The following SMG1 variants were observed in gnomAD, a reference collection of about 807,000 sequenced individuals.
SMG1 encodes SMG1 nonsense mediated mRNA decay associated PI3K related kinase.
In SMG1, 22 loss-of-function variants were observed where a neutral mutation model predicts 419.9. The observed-to-expected ratio is 0.05, with a 90% CI of 0.04 to 0.07. The LOEUF is 0.07. SMG1 is among the 10% of genes least tolerant of loss of function. SMG1 has a pLI of 1.00. For synonymous variants in SMG1, 1,538 were observed against 1,553.5 expected (o/e 0.99, Z 0.23); for missense variants, 3,185 against 4,342.0 (o/e 0.73, Z 7.49).
rs2141468716 is a variant in SMG1, at chr16:18,859,656, G to A, written c.3853C>T (p.Leu1285Phe). The A allele has an allele frequency of 1.2e-6, 2 of 1,613,448 alleles. 1 individual carries two copies. Among genetic ancestry groups the A allele is most frequent in the Middle Eastern group, 3.3e-4 (2 of 6,052 alleles). ...AATTGAACTTCAATGGATTTCTGAA[G>A]TTCCCTCGGATCCGGACTTAACATG... ...PNMLSPDPRELQKSIEVQLLR... is the reference protein window; with the variant it reads ...PNMLSPDPREFQKSIEVQLLR... The change falls in exon 27 of 63, where the codon CTT becomes TTT. Residue 1285 changes from leucine (L) to phenylalanine (F), a missense_variant. By Grantham distance (22) the Leu-to-Phe change is conservative (BLOSUM62 0). Coordinates refer to ENST00000446231, the MANE Select transcript of SMG1 (RefSeq NM_015092.5).
At chr16:18,827,110 T>C (rs187704360) in intron 55 of SMG1, among the ~76,000 whole-genome samples, 3 of 152,180 alleles carry the variant, frequency 2.0e-5, no homozygotes, top group Admixed American at 2.0e-4. Context: ...ACTATAAGAT[T>C]CAGTTACCTT....
At position 18,838,482 on chromosome 16, in the gene SMG1, CATT is replaced by C. The variant is rs765562373; in HGVS notation, c.7085-19_7085-17del. 6 of 1,613,842 alleles carry C rather than the reference CATT, an allele frequency of 3.7e-6. No individual in the cohort carries two copies. Among genetic ancestry groups the C allele is most frequent in the Non-Finnish European group, 5.1e-6 (6 of 1,179,874 alleles). ...AGGCTTTTACCTTGAAAAGACAAAT[CATT>C]ATATTTTTGCCCTTTCACCAAAAAA... On this transcript the variant is annotated splice_polypyrimidine_tract_variant and intron_variant, in intron 43 of 62. Coordinates refer to ENST00000446231, the MANE Select transcript of SMG1 (RefSeq NM_015092.5).
Position 18,868,991 on chromosome 16 carries a change from TGAC to T in SMG1, c.2833+110_2833+112del, listed in dbSNP as rs543870794. 3.4e-4 allele frequency: 309 copies of T among 915,826 alleles called. No individual in the cohort carries two copies. The African/African-American group carries it at 4.8e-3, about 14-fold the overall frequency. 56.7% of individuals were successfully genotyped at this position (915,826 alleles called of 1,614,324 possible). ...TCTAACAAACATACCTGAAAATTAT[TGAC>T]TTTTTTCAAAAAAATCATATACTCT... On this transcript the variant is annotated intron_variant, in intron 20 of 62. Coordinates refer to ENST00000446231, the MANE Select transcript of SMG1 (RefSeq NM_015092.5).
rs1596527966 is a variant in SMG1 at position 18,854,668 on chromosome 16, G to A, written c.4471C>T (p.Leu1491Phe). ...TAATTTTACTAACCTGCTGTATAAA[G>A]CAATTTGGTTTTTTCAATATCAAGT... The part of the protein sequence containing the change: ...PELDIEKTKL[L>F]YTAGQSTHAM... Residue 1491 changes from leucine to phenylalanine, a missense_variant, in exon 30 of 63, where the codon CTT becomes TTT. Physicochemically the swap from Leu to Phe is conservative, Grantham distance 22. Around this residue, in one of 27 missense-constraint regions of SMG1, gnomAD observed 493 missense variants for 552.9 expected, o/e 0.89. Coordinates refer to ENST00000446231, the MANE Select transcript of SMG1 (RefSeq NM_015092.5). 7 of 1,613,426 alleles carry A rather than the reference G, an allele frequency of 4.3e-6. No individual in the cohort carries two copies. Among genetic ancestry groups the A allele is most frequent in the Non-Finnish European group, 5.9e-6 (7 of 1,179,716 alleles).
Position 18,830,211 on chromosome 16 carries a change from A to C in SMG1, c.8943+8T>G. On this transcript the variant is annotated splice_region_variant and intron_variant, in intron 52 of 62. Coordinates refer to ENST00000446231, the MANE Select transcript of SMG1 (RefSeq NM_015092.5). Reference sequence around the variant, plus strand: ...TTGCATTATTTTTAAATCCAAGTCCACATTTACCTTTTCAACTAATAAGCT... The same window carrying C: ...TTGCATTATTTTTAAATCCAAGTCCCCATTTACCTTTTCAACTAATAAGCT... 2 of 1,613,560 alleles carry C rather than the reference A, an allele frequency of 1.2e-6. No individual in the cohort carries two copies. Among genetic ancestry groups the C allele is most frequent in the Non-Finnish European group, 1.7e-6 (2 of 1,179,652 alleles).
At chr16:18,910,540 T>C (rs1054532710) in intron 1 of SMG1, among the ~76,000 whole-genome samples, 2 of 151,994 alleles carry the variant, frequency 1.3e-5, no homozygotes, top group Admixed American at 6.6e-5. Context: ...AATTTTTTTA[T>C]TTTTTGTAGA....
chr16:18,876,663 C>CA (rs1555500377), intron 12 of SMG1, among the ~76,000 whole-genome samples: 18 of 28,654 alleles, frequency 6.3e-4, no homozygotes, highest in African/African-American at 1.4e-3. Flanking sequence ...CCGAAATGGC[C>CA]GTTTTTTTTT....
chr16:18,819,455 A>C (rs1567319101), intron 56 of SMG1, 47 bp downstream of exon 56: 1 of 1,585,118 alleles, frequency 6.3e-7, no homozygotes, highest in African/African-American at 1.3e-5. Context: ...CTACTCATCT[A>C]ATCCTGTAAA....
chr16:18,893,138 A>C (rs1295164760), intron 3 of SMG1, among the ~76,000 whole-genome samples: 2 of 152,252 alleles, frequency 1.3e-5, no homozygotes, highest in Non-Finnish European at 2.9e-5. Context: ...CCTCTTATTC[A>C]CATTATCATC....
intron 6 of SMG1, among the ~76,000 whole-genome samples, chr16:18,889,132 A>G (rs2036771653): frequency 6.6e-6 from 1 of 152,262 alleles, no homozygotes; most frequent in Non-Finnish European, 1.5e-5. Context: ...CGTGTAAGCC[A>G]ATTTCTTAGA....
intron 56 of SMG1, among the ~76,000 whole-genome samples, chr16:18,818,244 G>A (rs1478980860): frequency 6.6e-6 from 1 of 152,078 alleles, no homozygotes; most frequent in African/African-American, 2.4e-5. Flanking sequence ...ACTTAGCTGG[G>A]CATGGTGGCG....
rs2035338664 is a variant in SMG1, at chr16:18,863,818, G to C, written c.3527C>G (p.Thr1176Ser). The C allele has an allele frequency of 1.3e-6, 2 of 1,585,540 alleles. No homozygotes were observed. Among genetic ancestry groups the C allele is most frequent in the Admixed American group, 3.4e-5 (2 of 59,576 alleles). The change falls in exon 25 of 63, where the codon ACT becomes AGT. Residue 1176 changes from threonine to serine, a missense_variant. Physicochemically the swap from Thr to Ser is moderately conservative, Grantham distance 58. Transcript: ENST00000446231. ...ATTTATAACCTCAGGGGAAGAGTCA[G>C]TCGGTTTGGACAGCACAGTTTTTCT... ...ESRKTVLSKP[T>S]DSSPEVINYL...
intron 1 of SMG1, among the ~76,000 whole-genome samples, chr16:18,909,872 T>G (rs148744467): frequency 6.6e-6 from 1 of 152,270 alleles, no homozygotes; most frequent in African/African-American, 2.4e-5. Flanking sequence ...AAATCATCAC[T>G]TAAGCCACTT....
At chr16:18,854,256 T>G (rs2967204) in intron 30 of SMG1, among the ~76,000 whole-genome samples, 13,406 of 151,460 alleles carry the variant, frequency 0.089, 738 homozygotes, top group African/African-American at 0.16. Context: ...CCCCCTAATT[T>G]CTTTGAATTT....
At chr16:18,918,260 G>A (rs148840195) in intron 1 of SMG1, among the ~76,000 whole-genome samples, 2,825 of 151,948 alleles carry the variant, frequency 0.019, 88 homozygotes, top group African/African-American at 0.064. Context: ...CAAAAACTCC[G>A]TCTCCAAAAA....
chr16:18,874,727 G>A (rs1453055932), intron 13 of SMG1, among the ~76,000 whole-genome samples: 3 of 150,616 alleles, frequency 2.0e-5, no homozygotes, highest in Non-Finnish European at 3.0e-5. Context: ...TTAGCCCGTC[G>A]TAGTGGTAGG....
At position 18,886,118 on chromosome 16, in the gene SMG1, GCT is replaced by G. The variant is rs201856030; in HGVS notation, c.823-454_823-453del. Among the ~76,000 whole-genome samples the G allele has an allele frequency of 8.1e-3, 1,229 of 151,932 alleles. 21 individuals carry two copies. Among genetic ancestry groups the G allele is most frequent in the African/African-American group, 0.028 (1,165 of 41,432 alleles). On this transcript the variant is annotated intron_variant, in intron 6 of 62. Coordinates refer to ENST00000446231, the MANE Select transcript of SMG1 (RefSeq NM_015092.5). ...ACATCTGTTTACAATATCCCTAAAT[GCT>G]CTCTTTAAGATTCTACCTGTGATTA...
intron 29 of SMG1, among the ~76,000 whole-genome samples, chr16:18,855,742 T>C (rs1016592722): frequency 6.6e-6 from 1 of 152,168 alleles, no homozygotes; most frequent in African/African-American, 2.4e-5. Flanking sequence ...AGCAGAGACT[T>C]CAGCATAACT....
intron 48 of SMG1, among the ~76,000 whole-genome samples, chr16:18,835,394 C>A (rs1361751813): frequency 6.6e-6 from 1 of 152,156 alleles, no homozygotes; most frequent in East Asian, 1.9e-4. Flanking sequence ...AATCCTAGCA[C>A]TTTGGGAGGC....
Sources: allele counts gnomAD v4.1 joint callset (sites outside exome capture counted in the v4.1 genomes callset), GRCh38; gene constraint gnomAD v4.1.1; regional missense constraint gnomAD v4.1.1; transcripts MANE v1.5; gene names NCBI Gene and HGNC (gene_info 2026-07-23, HGNC 2026-07-21).